SPTBN1: variants seen among roughly 807,000 people sequenced by gnomAD.
SPTBN1 encodes spectrin beta, non-erythrocytic 1.
A neutral mutation model predicts 266.4 loss-of-function variants in SPTBN1; 32 were observed. That is an observed-to-expected ratio of 0.12 (90% CI 0.09 to 0.16). SPTBN1 has a LOEUF of 0.16. Ranked by LOEUF, SPTBN1 falls within the 10% of genes least tolerant of loss-of-function variation. The pLI is 1.00. For missense variants in SPTBN1, 2,296 were observed against 3,067.1 expected, an observed-to-expected ratio of 0.75 and a Z score of 5.94; for synonymous variants, 1,336 against 1,162.2, an observed-to-expected ratio of 1.15 and a Z score of -3.04.
intron 2 of SPTBN1, chr2:54,529,915 G>GCTAA (rs990567781): frequency 2.1e-5 from 8 of 372,790 alleles, no homozygotes; most frequent in Non-Finnish European, 3.5e-5. Context: ...GGTGTGGTAG[G>GCTAA]CTAACCACTT....
chr2:54,639,047 T>A (rs543818250), intron 18 of SPTBN1, among the ~76,000 whole-genome samples: 7 of 152,314 alleles, frequency 4.6e-5, no homozygotes, highest in African/African-American at 1.4e-4. Context: ...AAGCACCACA[T>A]TGATGAATCT....
chr2:54,480,366 TCAAA>T (rs1668036615), intron 1 of SPTBN1, among the ~76,000 whole-genome samples: 1 of 152,120 alleles, frequency 6.6e-6, no homozygotes, highest in Non-Finnish European at 1.5e-5. Context: ...AAAAACAAAA[TCAAA>T]CAAAAAAGAA....
intron 1 of SPTBN1, among the ~76,000 whole-genome samples, chr2:54,497,651 C>G (rs1669039277): frequency 6.6e-6 from 1 of 152,150 alleles, no homozygotes; most frequent in Non-Finnish European, 1.5e-5. Flanking sequence ...CGTAACTCCC[C>G]AGGGACAGCT....
chr2:54,503,046 T>A (rs1238344038), intron 1 of SPTBN1, among the ~76,000 whole-genome samples: 2 of 152,180 alleles, frequency 1.3e-5, no homozygotes, highest in Non-Finnish European at 1.5e-5. Context: ...TCACATTGGA[T>A]TTTACAACTG....
At position 54,670,752 on chromosome 2, in the gene SPTBN1, C is replaced by T; in HGVS notation, c.*2183C>T. On this transcript the variant is annotated 3_prime_UTR_variant, in exon 36 of 36. Coordinates refer to ENST00000356805, the MANE Select transcript of SPTBN1 (RefSeq NM_003128.3). ...CACATAATTTCAACAGTTCGCAGATCTGTAGTTATGAAGCCAGGGTTTGGT... is the reference window on the plus strand; with the variant it reads ...CACATAATTTCAACAGTTCGCAGATTTGTAGTTATGAAGCCAGGGTTTGGT... The T allele has an allele frequency of 2.5e-6, 1 of 398,528 alleles. No individual in the cohort carries two copies. The highest frequency in any genetic ancestry group is 4.4e-6 in the Non-Finnish European group (1 of 226,064). The allele number at this position is 398,528 out of a possible 1,614,324, so 24.7% of individuals were successfully genotyped here. A position where few individuals can be genotyped will look rare whatever the true frequency, so the allele number is the denominator to read the frequency against.
chr2:54,525,468 AG>A (rs1258222434), intron 1 of SPTBN1, among the ~76,000 whole-genome samples: 1 of 152,122 alleles, frequency 6.6e-6, no homozygotes, highest in Non-Finnish European at 1.5e-5. Flanking sequence ...TCCCGACCTC[AG>A]GTGATCCGCC....
intron 3 of SPTBN1, among the ~76,000 whole-genome samples, chr2:54,602,423 G>C (rs1451272062): frequency 6.6e-6 from 1 of 152,180 alleles, no homozygotes; most frequent in Non-Finnish European, 1.5e-5. Flanking sequence ...CAATGGTAAT[G>C]TTCTGCCCAC....
At chr2:54,590,178 T>C (rs1675573329) in intron 2 of SPTBN1, among the ~76,000 whole-genome samples, 1 of 152,232 alleles carries the variant, frequency 6.6e-6, no homozygotes, top group African/African-American at 2.4e-5. Flanking sequence ...CCCATTTTAG[T>C]CTGAATGACA....
At chr2:54,571,990 G>A (rs10204932) in intron 2 of SPTBN1, among the ~76,000 whole-genome samples, 28,642 of 151,986 alleles carry the variant, frequency 0.19, 5,512 homozygotes, top group African/African-American at 0.49. Context: ...ATAAAATGAA[G>A]TTTAATATGA....
chr2:54,464,103 C>T (rs1693508140), intron 1 of SPTBN1, among the ~76,000 whole-genome samples: 1 of 152,070 alleles, frequency 6.6e-6, no homozygotes, highest in African/African-American at 2.4e-5. Context: ...TTGATTAATA[C>T]AAACTTAGGG....
rs1336559082 is a variant in SPTBN1 at position 54,544,686 on chromosome 2, A to G, written c.148+18120A>G. 2.6e-5 allele frequency among the ~76,000 whole-genome samples: 4 copies of G among 152,378 alleles called. No homozygotes were observed. The East Asian group carries it at 7.7e-4, about 29-fold the overall frequency. On this transcript the variant is annotated intron_variant, in intron 2 of 35. Coordinates refer to ENST00000356805, the MANE Select transcript of SPTBN1 (RefSeq NM_003128.3). ...AAAGATATGGCAATATGAATAAGATATAGAGATATAAAATATATCCTAGAT... is the reference window on the plus strand; with the variant it reads ...AAAGATATGGCAATATGAATAAGATGTAGAGATATAAAATATATCCTAGAT...
At chr2:54,463,827 T>A (rs7593062) in intron 1 of SPTBN1, among the ~76,000 whole-genome samples, 24,535 of 152,154 alleles carry the variant, frequency 0.16, 2,086 homozygotes, top group African/African-American at 0.19. Context: ...CTATACATCA[T>A]GTCAAAATAA....
rs934367563 is a variant in SPTBN1 at position 54,622,552 on chromosome 2, C to T, written c.1064+65C>T. ...ACACATCACTGTAGCCAACAGATCC[C>T]TATGTTCTGATTTCTGTAATCTCAT... On this transcript the variant is annotated intron_variant, in intron 9 of 35. Coordinates refer to ENST00000356805, the MANE Select transcript of SPTBN1 (RefSeq NM_003128.3). 5 of 1,549,546 alleles carry T rather than the reference C, an allele frequency of 3.2e-6. No homozygotes were observed. The African/African-American group carries it at 5.5e-5, about 17-fold the overall frequency.
In SPTBN1 at chr2:54,653,742, G is replaced by C. The variant is rs1680460628; in HGVS notation, c.5711G>C (p.Arg1904Thr). 1 of 1,614,114 alleles carries C rather than the reference G, an allele frequency of 6.2e-7. No homozygotes were observed. The highest frequency in any genetic ancestry group is 1.3e-5 in the African/African-American group (1 of 74,948). Residue 1904 changes from arginine to threonine, a missense_variant, in exon 27 of 36, where the codon AGG becomes ACG. Coordinates refer to ENST00000356805, the MANE Select transcript of SPTBN1 (RefSeq NM_003128.3). The surrounding 1 kb of genome is among the most constrained non-coding windows in gnomAD (Gnocchi z 5.1). ...KSLLDACESR[R>T]VRLVDTGDKF... ...CTCCTGGACGCCTGTGAGAGCCGCA[G>C]GGTGCGGCTGGTGGACACAGGGGAC...
intron 1 of SPTBN1, among the ~76,000 whole-genome samples, chr2:54,474,450 CT>C (rs529328968): frequency 1.2e-4 from 19 of 152,072 alleles, no homozygotes; most frequent in Non-Finnish European, 2.6e-4. Context: ...GTCATTAACC[CT>C]TCTCGGTCTC....
In SPTBN1 at chr2:54,531,731, A is replaced by G. The variant is rs564132953; in HGVS notation, c.148+5165A>G. 2.7e-5 allele frequency among the ~76,000 whole-genome samples: 4 copies of G among 150,934 alleles called. No individual in the cohort carries two copies. The East Asian group carries it at 5.8e-4, about 22-fold the overall frequency. On this transcript the variant is annotated intron_variant, in intron 2 of 35. Transcript: ENST00000356805. ...TGCCTAGTTCTTTCATTTTCCTTAA[A>G]CTCTGCTGCTTGAAAATCAGTCTGA...
chr2:54,616,293 A>T lies in SPTBN1; in HGVS notation c.561A>T (p.Thr187=), dbSNP rs1224984783. 1 of 1,613,504 alleles carries T rather than the reference A, an allele frequency of 6.2e-7. No individual in the cohort carries two copies. Among genetic ancestry groups the T allele is most frequent in the Non-Finnish European group, 8.5e-7 (1 of 1,179,650 alleles). ...DALLLWCQMK[T]AGYPNVNIHN... is the part of the protein sequence containing the mutation. The stretch of plus-strand genomic sequence containing the variant: ...TGCTGTTGTGGTGCCAGATGAAGAC[A>T]GCTGGGTGAGTGTGAATGAAGAGGG... Residue 187 remains threonine (T), a synonymous_variant, in exon 5 of 36, where the codon ACA becomes ACT. Coordinates refer to ENST00000356805, the MANE Select transcript of SPTBN1 (RefSeq NM_003128.3).
chr2:54,560,191 G>GT (rs1455898096), intron 2 of SPTBN1, among the ~76,000 whole-genome samples: 1 of 145,036 alleles, frequency 6.9e-6, no homozygotes, highest in African/African-American at 2.6e-5. Flanking sequence ...TTGGGGTGGG[G>GT]GGGGGCGTTC....
At chr2:54,484,358 C>A (rs568841207) in intron 1 of SPTBN1, among the ~76,000 whole-genome samples, 1 of 152,202 alleles carries the variant, frequency 6.6e-6, no homozygotes, top group Admixed American at 6.5e-5. Flanking sequence ...CAGAAGAGGC[C>A]TGCTCTCCTT....
Sources: gnomAD v4.1 joint callset for allele counts (sites outside exome capture counted in the v4.1 genomes callset) on GRCh38, gnomAD v4.1.1 for gene constraint, Gnocchi (gnomAD v3.1) non-coding constraint, MANE v1.5 for transcripts, NCBI Gene and HGNC (gene_info 2026-07-23, HGNC 2026-07-21) for gene names.